The following NKAIN2 variants were observed in gnomAD, a reference collection of about 807,000 sequenced individuals.
The protein encoded by NKAIN2 is sodium/potassium transporting ATPase interacting 2, also known as sodium/potassium-transporting ATPase subunit beta-1-interacting protein 2.
In NKAIN2, 14 loss-of-function variants were observed where a neutral mutation model predicts 32.6. The observed-to-expected ratio is 0.43, with a 90% CI of 0.28 to 0.67. NKAIN2 has a LOEUF of 0.67. Ranked by LOEUF, NKAIN2 falls within the 30% of genes least tolerant of loss-of-function variation. The probability of loss-of-function intolerance (pLI) is 0.17; values close to 1 mark genes in which losing one functional copy is unlikely to be tolerated. For missense variants in NKAIN2, 198 were observed against 258.3 expected (o/e 0.77, Z 1.60); for synonymous variants, 80 against 87.2 (o/e 0.92, Z 0.46).
intron 5 of NKAIN2, among the ~76,000 whole-genome samples, chr6:124,796,806 C>T (rs1035437161): frequency 6.6e-6 from 1 of 152,104 alleles, no homozygotes; most frequent in Non-Finnish European, 1.5e-5. Context: ...GGAGAAAAGG[C>T]TTTCTCCAGG....
intron 1 of NKAIN2, among the ~76,000 whole-genome samples, chr6:124,167,660 A>T (rs1788628113): frequency 6.6e-6 from 1 of 152,122 alleles, no homozygotes; most frequent in Admixed American, 6.6e-5. Flanking sequence ...TGGTTTTGTC[A>T]TAGATAGCTC....
chr6:124,403,634 A>G (rs1178666626), intron 3 of NKAIN2, among the ~76,000 whole-genome samples: 3 of 152,232 alleles, frequency 2.0e-5, no homozygotes, highest in Non-Finnish European at 2.9e-5. Context: ...ATTTTGCTAG[A>G]CACTAGTAAA....
chr6:124,120,579 T>C (rs1785831714), intron 1 of NKAIN2, among the ~76,000 whole-genome samples: 1 of 152,174 alleles, frequency 6.6e-6, no homozygotes, highest in African/African-American at 2.4e-5. Context: ...GTAAGACAAC[T>C]AAAGTCTTTT....
At chr6:123,890,856 A>T (rs1222888404) in intron 1 of NKAIN2, among the ~76,000 whole-genome samples, 2 of 152,148 alleles carry the variant, frequency 1.3e-5, no homozygotes, top group African/African-American at 4.8e-5. Context: ...AATTGAAAAC[A>T]GGGACTCAAA....
chr6:124,641,491 CATAATCA>C (rs1026787190), intron 3 of NKAIN2, among the ~76,000 whole-genome samples: 3 of 127,736 alleles, frequency 2.3e-5, no homozygotes, highest in Non-Finnish European at 4.7e-5. Context: ...AATCTTTCCA[CATAATCA>C]GAAGAAATAC....
chr6:124,321,709 T>G (rs1473352196), intron 2 of NKAIN2, among the ~76,000 whole-genome samples: 1 of 152,136 alleles, frequency 6.6e-6, no homozygotes, highest in Non-Finnish European at 1.5e-5. Flanking sequence ...GAGCTCTGGA[T>G]GGCTAAGTGA....
At chr6:123,861,961 T>C (rs1351013245) in intron 1 of NKAIN2, among the ~76,000 whole-genome samples, 2 of 152,206 alleles carry the variant, frequency 1.3e-5, no homozygotes, top group Non-Finnish European at 2.9e-5. Flanking sequence ...GATAATTTGA[T>C]GTCAATTAAT....
chr6:124,511,610 T>C (rs1002853185), intron 3 of NKAIN2, among the ~76,000 whole-genome samples: 4 of 152,208 alleles, frequency 2.6e-5, no homozygotes, highest in Non-Finnish European at 4.4e-5. Context: ...TGAGAAAATA[T>C]CTGACGAAAG....
chr6:124,332,656 G>A (rs965328869), intron 2 of NKAIN2, among the ~76,000 whole-genome samples: 1 of 151,906 alleles, frequency 6.6e-6, no homozygotes, highest in Non-Finnish European at 1.5e-5. Context: ...GATACAAAAA[G>A]TAATCCCAGT....
At chr6:124,610,352 G>A (rs1782646583) in intron 3 of NKAIN2, among the ~76,000 whole-genome samples, 1 of 152,138 alleles carries the variant, frequency 6.6e-6, no homozygotes, top group African/African-American at 2.4e-5. Context: ...GAATGAATAA[G>A]GATGTGCATG....
At chr6:124,686,504 C>A (rs1183187306) in intron 4 of NKAIN2, among the ~76,000 whole-genome samples, 3 of 151,952 alleles carry the variant, frequency 2.0e-5, no homozygotes, top group Non-Finnish European at 4.4e-5. Context: ...TCTCATAGAA[C>A]CCTATAACAA....
At chr6:124,092,807 G>A (rs1301762612) in intron 1 of NKAIN2, among the ~76,000 whole-genome samples, 1 of 151,912 alleles carries the variant, frequency 6.6e-6, no homozygotes, top group Admixed American at 6.6e-5. Flanking sequence ...GAACTAGATA[G>A]AACTGAAAAA....
intron 3 of NKAIN2, among the ~76,000 whole-genome samples, chr6:124,509,085 G>A (rs1040017377): frequency 3.3e-5 from 5 of 152,156 alleles, no homozygotes; most frequent in African/African-American, 1.2e-4. Flanking sequence ...ATTCATAACA[G>A]TTATCTTTAA....
rs142135526 is a variant in NKAIN2 at position 124,118,742 on chromosome 6, C to G, written c.55-164263C>G. Among the ~76,000 whole-genome samples, 1,209 of 152,208 alleles carry G rather than the reference C, an allele frequency of 7.9e-3. 17 individuals carry two copies. The highest frequency in any genetic ancestry group is 0.028 in the African/African-American group (1,168 of 41,548). On this transcript the variant is annotated intron_variant, in intron 1 of 6. Transcript: ENST00000368417. ...GGTCTATAATTGTGTCATTTTGTTA[C>G]TGGGATAAAAACTTAGAATATATAG... is the stretch of plus-strand genomic sequence containing the variant.
intron 5 of NKAIN2, among the ~76,000 whole-genome samples, chr6:124,795,889 T>C (rs80239347): frequency 6.6e-6 from 1 of 152,262 alleles, no homozygotes; most frequent in African/African-American, 2.4e-5. Flanking sequence ...TGTTTCAAAA[T>C]ATGAATTGGG....
chr6:124,183,978 G>T (rs377191129), intron 1 of NKAIN2, among the ~76,000 whole-genome samples: 3 of 152,024 alleles, frequency 2.0e-5, no homozygotes, highest in Non-Finnish European at 4.4e-5. Context: ...TTGTACTTTG[G>T]CCTAATGTGT....
chr6:123,820,869 C>G (rs1773893383), intron 1 of NKAIN2, among the ~76,000 whole-genome samples: 1 of 152,178 alleles, frequency 6.6e-6, no homozygotes, highest in African/African-American at 2.4e-5. Flanking sequence ...AAATATTACT[C>G]TTATCCATTC....
chr6:123,969,936 A>G (rs1778260185), intron 1 of NKAIN2, among the ~76,000 whole-genome samples: 1 of 152,232 alleles, frequency 6.6e-6, no homozygotes, highest in South Asian at 2.1e-4. Flanking sequence ...TATAGTGGAT[A>G]TATAAGTAAA....
intron 2 of NKAIN2, among the ~76,000 whole-genome samples, chr6:124,299,607 C>T (rs1167518402): frequency 6.6e-6 from 1 of 151,998 alleles, no homozygotes; most frequent in Non-Finnish European, 1.5e-5. Context: ...TTAAAAATAA[C>T]ATCGTCATAG....
Sources: gnomAD v4.1 joint callset for allele counts (sites outside exome capture counted in the v4.1 genomes callset) on GRCh38, gnomAD v4.1.1 for gene constraint, MANE v1.5 for transcripts, NCBI Gene and HGNC (gene_info 2026-07-23, HGNC 2026-07-21) for gene names.